Variants in GABRG1 observed in about 807,000 individuals in gnomAD.
GABRG1 encodes gamma-aminobutyric acid receptor subunit gamma-1.
A neutral mutation model predicts 49.8 loss-of-function variants in GABRG1; 49 were observed. The ratio of observed to expected loss-of-function variants is 0.98; its 90% CI spans 0.78 to 1.25. The LOEUF (loss-of-function observed/expected upper bound fraction) is 1.25. GABRG1 is among the 50% of genes most tolerant of loss of function. GABRG1 has a pLI of 0.00. For missense variants in GABRG1, 552 were observed against 552.3 expected (o/e 1.00, Z 0.01); for synonymous variants, 232 against 185.1 (o/e 1.25, Z -2.06).
intron 1 of GABRG1, among the ~76,000 whole-genome samples, chr4:46,107,504 T>C (rs1044120877): frequency 1.3e-5 from 2 of 150,892 alleles, no homozygotes; most frequent in Non-Finnish European, 3.0e-5. Context: ...TCTCTTCTTC[T>C]TCCTCCCTGT....
intron 1 of GABRG1, among the ~76,000 whole-genome samples, chr4:46,108,974 A>G (rs1296744639): frequency 1.3e-5 from 2 of 151,114 alleles, no homozygotes; most frequent in African/African-American, 2.4e-5. Flanking sequence ...TTTTTAATAT[A>G]CAGATCTTGT....
chr4:46,088,763 A>C (rs562334612), intron 2 of GABRG1, among the ~76,000 whole-genome samples: 2 of 149,632 alleles, frequency 1.3e-5, no homozygotes, highest in South Asian at 2.1e-4. Context: ...ACACACACAC[A>C]CACCCCATAT....
chr4:46,109,454 T>G (rs1720654527), intron 1 of GABRG1, among the ~76,000 whole-genome samples: 1 of 150,964 alleles, frequency 6.6e-6, no homozygotes, highest in Non-Finnish European at 1.5e-5. Flanking sequence ...CAATCTTGTT[T>G]ATCATTTTAG....
At position 46,099,895 on chromosome 4, in the gene GABRG1, A is replaced by G. The variant is rs191023350; in HGVS notation, c.105-2546T>C. Among the ~76,000 whole-genome samples the G allele has an allele frequency of 1.7e-3, 265 of 151,848 alleles. 1 individual carries two copies. Among genetic ancestry groups the G allele is most frequent in the African/African-American group, 6.1e-3 (254 of 41,494 alleles). ...ACCAATGTAACACTGCTACTCTGGT[A>G]GAACTGGGGCTCTGATACCCGCAGT... On this transcript the variant is annotated intron_variant, in intron 1 of 8. Coordinates refer to ENST00000295452, the MANE Select transcript of GABRG1 (RefSeq NM_173536.4).
At chr4:46,070,656 G>A (rs1190926398) in intron 3 of GABRG1, among the ~76,000 whole-genome samples, 1 of 152,048 alleles carries the variant, frequency 6.6e-6, no homozygotes, top group East Asian at 1.9e-4. Context: ...AGATGAAAGA[G>A]AGAAAGGGAA....
At chr4:46,076,146 C>T (rs1210314747) in intron 3 of GABRG1, among the ~76,000 whole-genome samples, 4 of 151,594 alleles carry the variant, frequency 2.6e-5, no homozygotes, top group Non-Finnish European at 5.9e-5. Flanking sequence ...TAGGACTCTT[C>T]AATCTGAATC....
At chr4:46,073,119 A>C (rs1029189678) in intron 3 of GABRG1, among the ~76,000 whole-genome samples, 1 of 152,032 alleles carries the variant, frequency 6.6e-6, no homozygotes, top group Non-Finnish European at 1.5e-5. Flanking sequence ...TGTTTCCATA[A>C]ACCTTTATTA....
At chr4:46,051,226 A>T (rs1718205849) in intron 8 of GABRG1, among the ~76,000 whole-genome samples, 198 bp downstream of exon 8, 3 of 151,810 alleles carry the variant, frequency 2.0e-5, no homozygotes, top group South Asian at 4.2e-4. Context: ...TACACAGGGG[A>T]TCCAATGGGA....
chr4:46,120,600 G>T (rs1721065508), intron 1 of GABRG1, among the ~76,000 whole-genome samples: 1 of 151,598 alleles, frequency 6.6e-6, no homozygotes, highest in Non-Finnish European at 1.5e-5. Flanking sequence ...AGTTTGAATG[G>T]TTATCATCAA....
At chr4:46,092,031 G>C (rs1287696040) in intron 2 of GABRG1, among the ~76,000 whole-genome samples, 2 of 152,012 alleles carry the variant, frequency 1.3e-5, no homozygotes, top group Admixed American at 6.6e-5. Context: ...TATTTATGAA[G>C]TTTGGAAAGG....
chr4:46,088,196 C>G (rs1294256006), intron 2 of GABRG1, among the ~76,000 whole-genome samples: 1 of 151,946 alleles, frequency 6.6e-6, no homozygotes, highest in East Asian at 1.9e-4. Context: ...GTGTTCGTCA[C>G]AAAAATTGGG....
intron 8 of GABRG1, among the ~76,000 whole-genome samples, chr4:46,047,542 T>C (rs1358269107): frequency 6.6e-6 from 1 of 152,118 alleles, no homozygotes; most frequent in Non-Finnish European, 1.5e-5. Context: ...CATAATATGA[T>C]GTCTGAAGAC....
At chr4:46,088,803 G>GTT (rs1489197083) in intron 2 of GABRG1, among the ~76,000 whole-genome samples, 109 of 145,978 alleles carry the variant, frequency 7.5e-4, no homozygotes, top group African/African-American at 1.9e-3. Context: ...GTGTGTGTGT[G>GTT]TTTGTGTGTG....
intron 7 of GABRG1, among the ~76,000 whole-genome samples, chr4:46,057,072 A>G (rs1469293022): frequency 6.6e-6 from 1 of 152,158 alleles, no homozygotes; most frequent in Admixed American, 6.6e-5. Context: ...TGGAAATAGA[A>G]ACAAAAATAC....
chr4:46,100,675 GAAT>G (rs916586387), intron 1 of GABRG1, among the ~76,000 whole-genome samples: 1 of 118,912 alleles, frequency 8.4e-6, no homozygotes, highest in Admixed American at 1.0e-4. Flanking sequence ...ATCTTTCCTT[GAAT>G]AATGATTGCA....
intron 8 of GABRG1, among the ~76,000 whole-genome samples, chr4:46,043,675 T>C (rs1421088529): frequency 6.6e-6 from 1 of 151,904 alleles, no homozygotes; most frequent in Non-Finnish European, 1.5e-5. Flanking sequence ...ACAAATCAGT[T>C]AAAGCAATTT....
chr4:46,123,581 T>C (rs1277843668), intron 1 of GABRG1, among the ~76,000 whole-genome samples: 1 of 152,124 alleles, frequency 6.6e-6, no homozygotes, highest in African/African-American at 2.4e-5. Flanking sequence ...GTTTATACTC[T>C]GCTTGAAGTC....
At chr4:46,049,627 G>A (rs1318808083) in intron 8 of GABRG1, among the ~76,000 whole-genome samples, 1 of 151,818 alleles carries the variant, frequency 6.6e-6, no homozygotes, top group Non-Finnish European at 1.5e-5. Flanking sequence ...TGCTAAATTT[G>A]AAAGACTTAA....
chr4:46,123,331 T>A (rs1375220593), intron 1 of GABRG1, among the ~76,000 whole-genome samples: 1 of 152,130 alleles, frequency 6.6e-6, no homozygotes, highest in East Asian at 1.9e-4. Context: ...AAAACACTGG[T>A]TTGTTCCAGA....
Sources: gnomAD v4.1 joint callset for allele counts (sites outside exome capture counted in the v4.1 genomes callset) on GRCh38, gnomAD v4.1.1 for gene constraint, MANE v1.5 for transcripts, NCBI Gene and HGNC (gene_info 2026-07-23, HGNC 2026-07-21) for gene names.